The following C1orf141 variants were observed in gnomAD, a reference collection of about 807,000 sequenced individuals.
C1orf141 encodes the protein uncharacterized protein C1orf141.
C1orf141 carries 19 observed loss-of-function variants against 23.2 expected under a neutral mutation model. The observed-to-expected ratio is 0.82, with a 90% confidence interval of 0.57 to 1.20. The LOEUF (loss-of-function observed/expected upper bound fraction) is 1.20, where lower values mean the gene tolerates loss of function less well. Ranked by LOEUF, C1orf141 falls within the 50% of genes most tolerant of loss-of-function variation. C1orf141 has a pLI of 0.00. For missense variants in C1orf141, 469 were observed against 455.1 expected (o/e 1.03, Z -0.28); for synonymous variants, 153 against 154.6 (o/e 0.99, Z 0.08).
In C1orf141 at chr1:67,096,319, G is replaced by A; in HGVS notation, c.349C>T (p.Gln117Ter). 10 of 1,494,318 alleles carry A rather than the reference G, an allele frequency of 6.7e-6. No homozygotes were observed. Among genetic ancestry groups the A allele is most frequent in the Non-Finnish European group, 9.1e-6 (10 of 1,095,406 alleles). 92.6% of individuals were successfully genotyped at this position (1,494,318 alleles called of 1,614,324 possible). The change falls in exon 6 of 8, where the codon CAA (glutamine) becomes TAA (stop). Residue 117 changes from glutamine to a stop codon, truncating the protein, a stop_gained and splice_region_variant. Coordinates refer to ENST00000684719, the MANE Select transcript of C1orf141 (RefSeq NM_001276351.2). LOFTEE classifies it high-confidence loss of function. The part of the protein sequence containing the change: ...VKNKESESTA[Q>*]IEKKPRKPLD... ...GGTTTCCTAGGTTTTTTTTCAATTT[G>A]AGCTGAAATTTTAAAAGATTTTCAT...
chr1:67,140,220 A>C (rs1369929745), intron 1 of C1orf141, among the ~76,000 whole-genome samples: 3 of 152,256 alleles, frequency 2.0e-5, no homozygotes, highest in African/African-American at 7.2e-5. Context: ...CTATGCATGC[A>C]AAAGCAAAAT....
At chr1:67,137,198 T>A (rs1368480557), upstream of C1orf141, among the ~76,000 whole-genome samples, 1 of 152,214 alleles carries the variant, frequency 6.6e-6, no homozygotes, top group Non-Finnish European at 1.5e-5. Flanking sequence ...TCAGGTTCGA[T>A]AATTTGCTAG....
intron 4 of C1orf141, among the ~76,000 whole-genome samples, chr1:67,119,127 C>A (rs1646253184): frequency 6.6e-6 from 1 of 152,120 alleles, no homozygotes; most frequent in South Asian, 2.1e-4. Context: ...TTAAAGGTGA[C>A]TTTGGTGAGG....
rs1645582155 is a variant in C1orf141, at chr1:67,092,841, A to AT, written c.*163dup. 1 of 488,018 alleles carries AT rather than the reference A, an allele frequency of 2.0e-6. No individual in the cohort carries two copies. The highest frequency in any genetic ancestry group is 3.6e-5 in the East Asian group (1 of 27,656). 30.2% of individuals were successfully genotyped at this position (488,018 alleles called of 1,614,324 possible). On this transcript the variant is annotated 3_prime_UTR_variant, in exon 8 of 8. Transcript: ENST00000684719. ...GTCCTACTATTTTCTAAAAATGTTG[A>AT]TTGTTCTTGAACAGACCACTGCTGA... is the stretch of plus-strand genomic sequence containing the variant.
intron 5 of C1orf141, among the ~76,000 whole-genome samples, chr1:67,097,242 AC>A (rs898764281): frequency 1.3e-5 from 2 of 152,182 alleles, no homozygotes; most frequent in Admixed American, 1.3e-4. Flanking sequence ...AACAACAAAA[AC>A]AAGTAAACCA....
intron 4 of C1orf141, among the ~76,000 whole-genome samples, chr1:67,117,308 A>G (rs1646213565): frequency 6.6e-6 from 1 of 152,188 alleles, no homozygotes; most frequent in African/African-American, 2.4e-5. Context: ...CTCTAGTCCC[A>G]GCTACTCGGG....
upstream of C1orf141, among the ~76,000 whole-genome samples, chr1:67,138,748 C>T (rs1433106751): frequency 1.3e-5 from 2 of 152,132 alleles, no homozygotes; most frequent in African/African-American, 4.8e-5. Flanking sequence ...AAGTTTTGGG[C>T]TTTTTATATC....
chr1:67,139,880 A>T (rs1412633189), upstream of C1orf141, among the ~76,000 whole-genome samples: 1 of 152,184 alleles, frequency 6.6e-6, no homozygotes, highest in Admixed American at 6.5e-5. Flanking sequence ...ATAAGGGCAG[A>T]GCCCTTATGA....
chr1:67,110,682 G>A (rs1298089145), intron 5 of C1orf141, among the ~76,000 whole-genome samples: 1 of 151,748 alleles, frequency 6.6e-6, no homozygotes, highest in Non-Finnish European at 1.5e-5. Context: ...TACATAAGAT[G>A]CTAGTAAATG....
chr1:67,138,898 C>T (rs1419792977), upstream of C1orf141: 1 of 152,354 alleles, frequency 6.6e-6, no homozygotes, highest in African/African-American at 2.4e-5. Context: ...CAGGGAGAAG[C>T]AGGTGACTAA....
chr1:67,126,000 TTA>T, intron 3 of C1orf141, 91 bp from the exon 4 acceptor site: 1 of 1,289,100 alleles, frequency 7.8e-7, no homozygotes, highest in Non-Finnish European at 1.0e-6. Context: ...AAATCTCACT[TTA>T]CACACACACA....
intron 5 of C1orf141, among the ~76,000 whole-genome samples, chr1:67,110,402 A>G (rs1019244451): frequency 1.3e-5 from 2 of 152,130 alleles, no homozygotes; most frequent in Admixed American, 1.3e-4. Context: ...GGTGGTATAA[A>G]CAATCTTTGT....
At chr1:67,135,937 T>G (rs1462258317), upstream of C1orf141, among the ~76,000 whole-genome samples, 1 of 135,004 alleles carries the variant, frequency 7.4e-6, no homozygotes, top group Non-Finnish European at 1.5e-5. Context: ...AGTATAGTTA[T>G]GTAGCAATCC....
At chr1:67,106,651 T>G (rs1432846826) in intron 5 of C1orf141, among the ~76,000 whole-genome samples, 1 of 151,932 alleles carries the variant, frequency 6.6e-6, no homozygotes, top group Non-Finnish European at 1.5e-5. Context: ...GAGCACGACT[T>G]CATCTAACAA....
chr1:67,139,930 T>C (rs1053802217), upstream of C1orf141, among the ~76,000 whole-genome samples: 5 of 152,134 alleles, frequency 3.3e-5, no homozygotes, highest in African/African-American at 1.2e-4. Flanking sequence ...TAATGGATTA[T>C]CATGGGAGTG....
chr1:67,111,054 A>T (rs929209198), intron 5 of C1orf141, among the ~76,000 whole-genome samples: 1 of 151,800 alleles, frequency 6.6e-6, no homozygotes, highest in Non-Finnish European at 1.5e-5. Context: ...TCCAAGGCAC[A>T]CTCAATGCTC....
In C1orf141 at chr1:67,121,215, T is replaced by C. The variant is rs183387082; in HGVS notation, c.233+4537A>G. Reference sequence around the variant, plus strand: ...ATGTGGAATTTTACTCATTCATCGATGGTGTAAGCTACTTTTTTGCTGAAC... The same window carrying C: ...ATGTGGAATTTTACTCATTCATCGACGGTGTAAGCTACTTTTTTGCTGAAC... On this transcript the variant is annotated intron_variant, in intron 4 of 7. Transcript: ENST00000684719. Among the ~76,000 whole-genome samples the C allele has an allele frequency of 2.6e-5, 4 of 152,358 alleles. No homozygotes were observed. In the East Asian group the frequency reaches 7.7e-4, roughly 29 times the overall value.
Position 67,095,166 on chromosome 1 carries a change from T to C in C1orf141, c.603+69A>G, listed in dbSNP as rs1421560165. The C allele has an allele frequency of 6.6e-6, 6 of 915,734 alleles. No individual in the cohort carries two copies. In the Admixed American group the frequency reaches 8.3e-5, roughly 13 times the overall value. 56.7% of individuals were successfully genotyped at this position (915,734 alleles called of 1,614,324 possible). A position where few individuals can be genotyped will look rare whatever the true frequency, so the allele number is the denominator to read the frequency against. On this transcript the variant is annotated intron_variant, in intron 7 of 7. Transcript: ENST00000684719. ...TTATCAAAGATTCTGGTCACTAAAA[T>C]ATATGGGTGATTCCCATAAGTCTTA...
chr1:67,102,446 CTATT>C (rs551656301), intron 5 of C1orf141, among the ~76,000 whole-genome samples: 128 of 151,848 alleles, frequency 8.4e-4, no homozygotes, highest in African/African-American at 2.9e-3. Flanking sequence ...ATGCATGAGG[CTATT>C]TGAGACAAAG....
Sources: allele counts gnomAD v4.1 joint callset (sites outside exome capture counted in the v4.1 genomes callset), GRCh38; gene constraint gnomAD v4.1.1; transcripts MANE v1.5; gene names NCBI Gene and HGNC (gene_info 2026-07-23, HGNC 2026-07-21).